Variants in GMDS observed in about 807,000 individuals in gnomAD.
GMDS encodes the protein GDP-mannose 4,6 dehydratase.
GMDS carries 20 observed loss-of-function variants against 49.9 expected under a neutral mutation model. The observed-to-expected ratio is 0.40, with a 90% CI of 0.28 to 0.58. The LOEUF (loss-of-function observed/expected upper bound fraction) is 0.58, where lower values mean the gene tolerates loss of function less well. Among genes scored for constraint, GMDS ranks in the 20% least tolerant of loss-of-function variants. GMDS has a pLI of 0.42. For synonymous variants in GMDS, 177 were observed against 178.6 expected, an observed-to-expected ratio of 0.99 and a Z score of 0.07; for missense variants, 362 against 481.4, an observed-to-expected ratio of 0.75 and a Z score of 2.32.
chr6:1,701,447 A>G (rs9503008), intron 9 of GMDS, among the ~76,000 whole-genome samples: 13,325 of 152,216 alleles, frequency 0.088, 921 homozygotes, highest in East Asian at 0.31. Flanking sequence ...CATGTTTTCA[A>G]AACACATGAC....
At chr6:2,197,077 T>C (rs1779304217) in intron 1 of GMDS, among the ~76,000 whole-genome samples, 1 of 152,200 alleles carries the variant, frequency 6.6e-6, no homozygotes, top group African/African-American at 2.4e-5. Flanking sequence ...CTTCCTCAAT[T>C]TAAGTTTCAA....
chr6:1,679,429 G>GA (rs1764720394), intron 9 of GMDS: 1 of 152,244 alleles, frequency 6.6e-6, no homozygotes, highest in South Asian at 2.1e-4. Flanking sequence ...CAAGCGCTGA[G>GA]AAGCTGAACA....
intron 1 of GMDS, among the ~76,000 whole-genome samples, chr6:2,161,566 T>C (rs1343332150): frequency 1.3e-5 from 2 of 152,226 alleles, no homozygotes; most frequent in Admixed American, 6.5e-5. Context: ...TTGGGTGTAC[T>C]TGAGGATTTG....
At position 1,624,153 on chromosome 6, in the gene GMDS, G is replaced by T. The variant is rs1251884249; in HGVS notation, c.*16C>A. On this transcript the variant is annotated 3_prime_UTR_variant, in exon 11 of 11. Transcript: ENST00000380815. The stretch of plus-strand genomic sequence containing the variant: ...GGGATTGTAGCCGGAGGGCGGGCCG[G>T]GCTCCGAGGCGCTGCTCAGGCATTG... 5.6e-6 allele frequency: 9 copies of T among 1,604,978 alleles called. No homozygotes were observed. Among genetic ancestry groups the T allele is most frequent in the Non-Finnish European group, 7.6e-6 (9 of 1,178,290 alleles).
Position 1,960,808 on chromosome 6 carries a change from C to T in GMDS, c.504G>A (p.Lys168=). 6.2e-7 allele frequency: 1 copy of T among 1,609,138 alleles called. No homozygotes were observed. Among genetic ancestry groups the T allele is most frequent in the Non-Finnish European group, 8.5e-7 (1 of 1,176,228 alleles). ...LYGKVQEIPQ[K]ETTPFYPRSP... ...ACCGGGGATAGAAAGGGGTGGTCTC[C>T]TTCTGGGGTATTTCCTGCACTTTCC... Residue 168 remains lysine (K), a synonymous_variant, in exon 5 of 11, where the codon AAG becomes AAA. Transcript: ENST00000380815.
In GMDS at chr6:1,624,490, C is replaced by A; in HGVS notation, c.1038G>T (p.Lys346Asn). Residue 346 changes from lysine to asparagine, a missense_variant, in exon 10 of 11, where the codon AAG becomes AAT. Transcript: ENST00000380815. ...TACTCACATCGAAAGCGACCCGGGG[C>A]TTCCAGTTCAGCTTCTGTTTCGCTT... ...CTKAKQKLNW[K>N]PRVAFDELVR... The A allele has an allele frequency of 1.9e-6, 3 of 1,613,804 alleles. No individual in the cohort carries two copies. The highest frequency in any genetic ancestry group is 2.5e-6 in the Non-Finnish European group (3 of 1,179,720).
intron 9 of GMDS, chr6:1,625,065 C>T (rs1380651770): frequency 6.6e-6 from 1 of 151,944 alleles, no homozygotes; most frequent in African/African-American, 2.4e-5. Context: ...GGCTGTGGGG[C>T]GCGAGGCCCC....
chr6:1,686,729 G>A (rs1764988732), intron 9 of GMDS, among the ~76,000 whole-genome samples: 2 of 152,160 alleles, frequency 1.3e-5, no homozygotes, highest in Non-Finnish European at 2.9e-5. Context: ...GAGTCACAGT[G>A]CACAGTACAT....
intron 7 of GMDS, among the ~76,000 whole-genome samples, chr6:1,761,376 A>G (rs1347165453): frequency 6.6e-6 from 1 of 152,238 alleles, no homozygotes; most frequent in Non-Finnish European, 1.5e-5. Flanking sequence ...AATCTGTGAG[A>G]AACTTAAATT....
At chr6:1,951,053 G>A (rs1318142094) in intron 6 of GMDS, among the ~76,000 whole-genome samples, 1 of 152,008 alleles carries the variant, frequency 6.6e-6, no homozygotes, top group African/African-American at 2.4e-5. Flanking sequence ...CTGGAGGAAA[G>A]AGCCACTCTC....
chr6:1,757,804 T>C (rs374206733), intron 7 of GMDS, among the ~76,000 whole-genome samples: 5 of 152,332 alleles, frequency 3.3e-5, no homozygotes, highest in South Asian at 2.1e-4. Context: ...AATAGAAATA[T>C]AATGTGAGCC....
At chr6:1,624,395 G>T in intron 10 of GMDS, 77 bp downstream of exon 10, 1 of 1,415,778 alleles carries the variant, frequency 7.1e-7, no homozygotes, top group Non-Finnish European at 9.9e-7. Context: ...AGGCGCCTCA[G>T]GCGCCCGACC....
chr6:1,985,817 G>A (rs1186382441), intron 4 of GMDS, among the ~76,000 whole-genome samples: 5 of 151,566 alleles, frequency 3.3e-5, no homozygotes, highest in East Asian at 1.9e-4. Context: ...AGGAAGAGGC[G>A]GGCTACTAAA....
intron 7 of GMDS, among the ~76,000 whole-genome samples, chr6:1,863,896 G>T (rs1758316804): frequency 6.6e-6 from 1 of 151,736 alleles, no homozygotes; most frequent in Non-Finnish European, 1.5e-5. Context: ...AAAAATAAAA[G>T]TTTAATATAT....
chr6:1,733,511 AGG>A (rs1048133563), intron 8 of GMDS, among the ~76,000 whole-genome samples: 9 of 152,170 alleles, frequency 5.9e-5, no homozygotes, highest in African/African-American at 2.2e-4. Flanking sequence ...AAAAGACGAG[AGG>A]GAGCCTCAAA....
intron 7 of GMDS, among the ~76,000 whole-genome samples, chr6:1,848,074 G>C (rs1757493941): frequency 6.6e-6 from 1 of 152,164 alleles, no homozygotes; most frequent in Admixed American, 6.5e-5. Context: ...AGGCACTGCT[G>C]TTAGTTTGTC....
chr6:1,879,122 G>T (rs1759240959), intron 7 of GMDS, among the ~76,000 whole-genome samples: 1 of 152,046 alleles, frequency 6.6e-6, no homozygotes, highest in Non-Finnish European at 1.5e-5. Flanking sequence ...TTAAAAAGAA[G>T]AATTCAAGAA....
intron 1 of GMDS, among the ~76,000 whole-genome samples, chr6:2,148,088 C>G (rs140610384): frequency 1.9e-3 from 286 of 152,172 alleles, no homozygotes; most frequent in Admixed American, 4.3e-3. Context: ...TTTTGAAACA[C>G]ATTTTTACTA....
chr6:1,912,326 A>G (rs539236793), intron 7 of GMDS, among the ~76,000 whole-genome samples: 82 of 152,312 alleles, frequency 5.4e-4, no homozygotes, highest in Non-Finnish European at 8.2e-4. Flanking sequence ...AGATCACGCC[A>G]CTGCACTCCA....
Sources: gnomAD v4.1 joint callset for allele counts (sites outside exome capture counted in the v4.1 genomes callset) on GRCh38, gnomAD v4.1.1 for gene constraint, MANE v1.5 for transcripts, NCBI Gene and HGNC (gene_info 2026-07-23, HGNC 2026-07-21) for gene names.